Variants in ADGRL3 observed in about 807,000 individuals in gnomAD.
ADGRL3 encodes the protein calcium-independent alpha-latrotoxin receptor 3.
In ADGRL3, 62 loss-of-function variants were observed where a neutral mutation model predicts 153.5. That is an observed-to-expected ratio of 0.40 (90% CI 0.33 to 0.50). The LOEUF is 0.50. ADGRL3 is among the 20% of genes least tolerant of loss of function. The probability of loss-of-function intolerance (pLI) is 0.47; values close to 1 mark genes in which losing one functional copy is unlikely to be tolerated. For missense variants in ADGRL3, 1,641 were observed against 1,859.4 expected, an observed-to-expected ratio of 0.88 and a Z score of 2.16; for synonymous variants, 710 against 672.5, an observed-to-expected ratio of 1.06 and a Z score of -0.86.
chr4:62,000,753 G>A (rs1004653233), intron 21 of ADGRL3, among the ~76,000 whole-genome samples: 3 of 151,724 alleles, frequency 2.0e-5, no homozygotes, highest in Admixed American at 6.6e-5. Flanking sequence ...GGGTACAGAG[G>A]ATTTTTTTTC....
intron 8 of ADGRL3, among the ~76,000 whole-genome samples, chr4:61,738,478 T>C (rs1418392792): frequency 3.3e-5 from 5 of 152,176 alleles, no homozygotes; most frequent in African/African-American, 1.2e-4. Context: ...CTACTTTTAG[T>C]TCTTTAAGGA....
chr4:61,787,324 C>G (rs2097288649), intron 8 of ADGRL3, among the ~76,000 whole-genome samples: 1 of 151,560 alleles, frequency 6.6e-6, no homozygotes, highest in African/African-American at 2.4e-5. Flanking sequence ...TTCAAATATC[C>G]TAGCTTTTAG....
At chr4:61,232,312 ATT>A (rs71664985) in intron 1 of ADGRL3, among the ~76,000 whole-genome samples, 70 of 147,078 alleles carry the variant, frequency 4.8e-4, no homozygotes, top group East Asian at 2.8e-3. Context: ...ATGTCACTTC[ATT>A]TTTTTTTTTT....
rs549226281 is a variant in ADGRL3, at chr4:62,031,726, A to G, written c.3591+116A>G. ...ATGTTTGTCTACAAGAAATAAAGATACTCATCATTTATAACAGTAAAGCAA... is the reference window on the plus strand; with the variant it reads ...ATGTTTGTCTACAAGAAATAAAGATGCTCATCATTTATAACAGTAAAGCAA... On this transcript the variant is annotated intron_variant, in intron 23 of 26. Transcript: ENST00000683033. 25 of 706,672 alleles carry G rather than the reference A, an allele frequency of 3.5e-5. No individual in the cohort carries two copies. The African/African-American group carries it at 3.7e-4, about 11-fold the overall frequency. The allele number at this position is 706,672 out of a possible 1,614,324, so 43.8% of individuals were successfully genotyped here. A position where few individuals can be genotyped will look rare whatever the true frequency, so the allele number is the denominator to read the frequency against.
At chr4:61,611,974 G>A (rs151310738) in intron 5 of ADGRL3, among the ~76,000 whole-genome samples, 1,853 of 152,142 alleles carry the variant, frequency 0.012, 42 homozygotes, top group African/African-American at 0.042. Context: ...ATTTGCCTTA[G>A]TGTTTTAGAA....
chr4:61,529,830 A>C (rs1253359294), intron 4 of ADGRL3, among the ~76,000 whole-genome samples: 1 of 152,128 alleles, frequency 6.6e-6, no homozygotes, highest in Non-Finnish European at 1.5e-5. Flanking sequence ...CTTGGGACAA[A>C]ATATTTAAGA....
intron 5 of ADGRL3, among the ~76,000 whole-genome samples, chr4:61,615,596 G>GTA (rs2091912781): frequency 6.6e-6 from 1 of 151,456 alleles, no homozygotes; most frequent in Non-Finnish European, 1.5e-5. Flanking sequence ...GTGTGTGTGT[G>GTA]TGTATGTTTG....
intron 3 of ADGRL3, among the ~76,000 whole-genome samples, chr4:61,500,455 T>C (rs2152823524): frequency 6.6e-6 from 1 of 152,326 alleles, no homozygotes; most frequent in Admixed American, 6.5e-5. Context: ...TGCTGAAATA[T>C]AATAGGATAG....
At chr4:61,751,910 A>G (rs2096761824) in intron 8 of ADGRL3, among the ~76,000 whole-genome samples, 2 of 152,202 alleles carry the variant, frequency 1.3e-5, no homozygotes, top group African/African-American at 4.8e-5. Context: ...TTATTTGAAA[A>G]TAAATGAACA....
At chr4:61,341,345 G>A (rs986669479) in intron 1 of ADGRL3, among the ~76,000 whole-genome samples, 1 of 151,760 alleles carries the variant, frequency 6.6e-6, no homozygotes, top group African/African-American at 2.4e-5. Context: ...TATTATACAA[G>A]TAATTCATGA....
chr4:61,855,060 C>G (rs2098247595), intron 9 of ADGRL3, among the ~76,000 whole-genome samples: 1 of 151,926 alleles, frequency 6.6e-6, no homozygotes, highest in Admixed American at 6.6e-5. Flanking sequence ...ATGTAGTATC[C>G]AGGATGGGAT....
chr4:61,460,368 A>G (rs1228163553), intron 2 of ADGRL3, among the ~76,000 whole-genome samples: 3 of 152,138 alleles, frequency 2.0e-5, no homozygotes, highest in Non-Finnish European at 4.4e-5. Flanking sequence ...ATTCAGCCAT[A>G]AAAGGGAATG....
chr4:61,677,244 G>A (rs1440642549), intron 6 of ADGRL3: 4 of 316,148 alleles, frequency 1.3e-5, no homozygotes, highest in Non-Finnish European at 1.8e-5. Flanking sequence ...CAATTCTCCA[G>A]GTCCAAGCAG....
intron 21 of ADGRL3, among the ~76,000 whole-genome samples, chr4:62,013,398 C>A (rs1443411862): frequency 6.6e-6 from 1 of 151,792 alleles, no homozygotes; most frequent in Non-Finnish European, 1.5e-5. Context: ...AAAAATTAGC[C>A]AGGCATGGTG....
chr4:61,679,687 G>A (rs2095291322), intron 6 of ADGRL3, among the ~76,000 whole-genome samples: 1 of 151,938 alleles, frequency 6.6e-6, no homozygotes, highest in African/African-American at 2.4e-5. Context: ...TTCTGAAGAG[G>A]AAACTGAAGT....
At chr4:61,620,709 C>A (rs1032768314) in intron 5 of ADGRL3, among the ~76,000 whole-genome samples, 1 of 129,518 alleles carries the variant, frequency 7.7e-6, no homozygotes, top group African/African-American at 3.0e-5. Context: ...GGTGCGATCT[C>A]GGCTTACTGC....
intron 6 of ADGRL3, among the ~76,000 whole-genome samples, chr4:61,709,764 G>A (rs952135181): frequency 6.6e-6 from 1 of 152,076 alleles, no homozygotes. Context: ...AGAAAAATTT[G>A]TATTCTGCCA....
At chr4:61,624,786 G>A (rs2092733310) in intron 5 of ADGRL3, among the ~76,000 whole-genome samples, 4 of 152,026 alleles carry the variant, frequency 2.6e-5, no homozygotes, top group Non-Finnish European at 4.4e-5. Flanking sequence ...AATTTGAAGT[G>A]AAGATAAACC....
chr4:61,479,086 T>C (rs1343292179), intron 2 of ADGRL3, among the ~76,000 whole-genome samples: 1 of 152,100 alleles, frequency 6.6e-6, no homozygotes, highest in African/African-American at 2.4e-5. Flanking sequence ...CCCCTTCTTT[T>C]AAAAATTATT....
Sources: allele counts gnomAD v4.1 joint callset (sites outside exome capture counted in the v4.1 genomes callset), GRCh38; gene constraint gnomAD v4.1.1; transcripts MANE v1.5; gene names NCBI Gene and HGNC (gene_info 2026-07-23, HGNC 2026-07-21).